SLC2A9: variants seen among roughly 807,000 people sequenced by gnomAD.
SLC2A9 encodes the protein solute carrier family 2 member 9.
Under a neutral mutation model 50.6 loss-of-function variants are expected in SLC2A9, and 39 were observed. The observed-to-expected ratio is 0.77, with a 90% CI of 0.60 to 1.01. The LOEUF (loss-of-function observed/expected upper bound fraction) is 1.01. Ranked by LOEUF, SLC2A9 falls within the 50% of genes least tolerant of loss-of-function variation. The probability of loss-of-function intolerance (pLI) is 0.00; values close to 1 mark genes in which losing one functional copy is unlikely to be tolerated. For missense variants in SLC2A9, 686 were observed against 677.6 expected (o/e 1.01, Z -0.14); for synonymous variants, 324 against 276.9 (o/e 1.17, Z -1.69).
chr4:9,910,775 C>T (rs1273694149), intron 7 of SLC2A9, among the ~76,000 whole-genome samples: 1 of 152,138 alleles, frequency 6.6e-6, no homozygotes, highest in East Asian at 1.9e-4. Flanking sequence ...ATAGATGTCC[C>T]TTAGTAGGTT....
At chr4:9,907,695 C>T (rs1740938769) in intron 8 of SLC2A9, among the ~76,000 whole-genome samples, 2 of 152,144 alleles carry the variant, frequency 1.3e-5, no homozygotes, top group African/African-American at 2.4e-5. Context: ...ACAGGGCATT[C>T]ATATTTCATC....
chr4:9,897,870 C>G lies in SLC2A9; in HGVS notation c.1114-7159G>C, dbSNP rs111822143. ...TGAGATTGTGCTACTGCATTCCAGC[C>G]TGGGTGACAGAGTGAGACATTCCAC... On this transcript the variant is annotated intron_variant, in intron 8 of 11. Transcript: ENST00000264784. Among the ~76,000 whole-genome samples, 396 of 152,258 alleles carry G rather than the reference C, an allele frequency of 2.6e-3. 1 individual carries two copies. Among genetic ancestry groups the G allele is most frequent in the African/African-American group, 9.0e-3 (375 of 41,536 alleles).
chr4:9,997,030 A>C (rs1758802820), intron 2 of SLC2A9, 89 bp from the exon 3 acceptor site: 1 of 1,496,236 alleles, frequency 6.7e-7, no homozygotes, highest in Non-Finnish European at 9.3e-7. Context: ...CAGCTTGTAC[A>C]GAGCATTTTC....
chr4:9,886,166 C>A (rs1448331678), intron 10 of SLC2A9, among the ~76,000 whole-genome samples: 2 of 152,202 alleles, frequency 1.3e-5, no homozygotes, highest in Non-Finnish European at 2.9e-5. Context: ...CCTCTGGGAG[C>A]AGAGACTGCT....
intron 3 of SLC2A9, among the ~76,000 whole-genome samples, chr4:9,806,795 A>C (rs1175057652): frequency 6.6e-6 from 1 of 152,198 alleles, no homozygotes; most frequent in African/African-American, 2.4e-5. Context: ...GGCTGGAAAA[A>C]TGGCTTTCTG....
At chr4:9,794,367 G>C (rs1276802562), downstream of SLC2A9, among the ~76,000 whole-genome samples, 1 of 152,148 alleles carries the variant, frequency 6.6e-6, no homozygotes, top group Non-Finnish European at 1.5e-5. Context: ...TGTTGGTCAG[G>C]TTGGTCTCAA....
intron 10 of SLC2A9, among the ~76,000 whole-genome samples, chr4:9,870,850 C>T (rs1246340752): frequency 2.6e-5 from 4 of 152,236 alleles, no homozygotes; most frequent in East Asian, 3.9e-4. Context: ...GGTCTCCTTG[C>T]GGAGACTTTG....
chr4:9,908,124 A>C, intron 8 of SLC2A9, 111 bp downstream of exon 8: 1 of 804,752 alleles, frequency 1.2e-6, no homozygotes, highest in Non-Finnish European at 2.2e-6. Context: ...CATTGTCCTA[A>C]TTGATGAATT....
At chr4:9,948,970 C>T (rs1749706806) in intron 5 of SLC2A9, among the ~76,000 whole-genome samples, 1 of 152,220 alleles carries the variant, frequency 6.6e-6, no homozygotes, top group Non-Finnish European at 1.5e-5. Flanking sequence ...TGAAACTTCT[C>T]CTAGGCCCAT....
chr4:9,977,902 T>C (rs1463907844), intron 5 of SLC2A9, among the ~76,000 whole-genome samples: 1 of 152,110 alleles, frequency 6.6e-6, no homozygotes, highest in African/African-American at 2.4e-5. Context: ...TAGCACACAA[T>C]AGAAGCTTTC....
chr4:9,818,189 A>G (rs1360813345), intron 3 of SLC2A9, among the ~76,000 whole-genome samples: 2 of 151,918 alleles, frequency 1.3e-5, no homozygotes, highest in African/African-American at 4.8e-5. Context: ...CAAGACTTTC[A>G]TCTCCATCTG....
intron 4 of SLC2A9, among the ~76,000 whole-genome samples, chr4:9,983,631 C>T (rs1560435154): frequency 6.6e-6 from 1 of 152,170 alleles, no homozygotes; most frequent in Admixed American, 6.5e-5. Context: ...TGAGAAGGCC[C>T]AGCAGAGATT....
intron 11 of SLC2A9, among the ~76,000 whole-genome samples, chr4:9,827,142 T>C (rs1407145725): frequency 1.3e-5 from 2 of 152,208 alleles, no homozygotes; most frequent in African/African-American, 2.4e-5. Flanking sequence ...ATAGAAATGC[T>C]CAATGCAATC....
intron 8 of SLC2A9, among the ~76,000 whole-genome samples, chr4:9,892,449 A>G (rs1737675718): frequency 6.6e-6 from 1 of 152,198 alleles, no homozygotes; most frequent in African/African-American, 2.4e-5. Context: ...TTGGCCTCCT[A>G]GAAACCTGGC....
At chr4:9,959,235 T>C (rs79777164) in intron 5 of SLC2A9, among the ~76,000 whole-genome samples, 1 of 130,586 alleles carries the variant, frequency 7.7e-6, no homozygotes, top group African/African-American at 2.9e-5. Context: ...AAAAAAAAAA[T>C]ACAAAAATTA....
chr4:9,943,017 C>T (rs1207614393), intron 5 of SLC2A9, among the ~76,000 whole-genome samples: 1 of 152,176 alleles, frequency 6.6e-6, no homozygotes, highest in Non-Finnish European at 1.5e-5. Context: ...AGGTGGGGCC[C>T]ATGGGAAGTT....
chr4:9,788,416 C>T (rs1382514305), intron 3 of SLC2A9, among the ~76,000 whole-genome samples: 2 of 147,902 alleles, frequency 1.4e-5, no homozygotes, highest in East Asian at 3.9e-4. Context: ...GTCTCAAGCT[C>T]CTGGGCTCAA....
intron 3 of SLC2A9, among the ~76,000 whole-genome samples, chr4:9,810,983 G>C (rs1722815175): frequency 6.6e-6 from 1 of 152,132 alleles, no homozygotes; most frequent in African/African-American, 2.4e-5. Flanking sequence ...AACCTTTTCT[G>C]GTTTGCGGGA....
At chr4:9,854,169 CA>C (rs953218375) in intron 10 of SLC2A9, among the ~76,000 whole-genome samples, 1 of 151,912 alleles carries the variant, frequency 6.6e-6, no homozygotes, top group Admixed American at 6.6e-5. Context: ...GACACACACA[CA>C]AAAAATACAA....
Sources: gnomAD v4.1 joint callset for allele counts (sites outside exome capture counted in the v4.1 genomes callset) on GRCh38, gnomAD v4.1.1 for gene constraint, MANE v1.5 for transcripts, NCBI Gene and HGNC (gene_info 2026-07-23, HGNC 2026-07-21) for gene names.